Variants in SLC25A21 observed in about 807,000 individuals in gnomAD.
SLC25A21 encodes the protein solute carrier family 25 member 21.
A neutral mutation model predicts 43.8 loss-of-function variants in SLC25A21; 47 were observed. The ratio of observed to expected loss-of-function variants is 1.07; its 90% CI spans 0.85 to 1.37. The LOEUF is 1.37. SLC25A21 is among the 40% of genes most tolerant of loss of function. The probability of loss-of-function intolerance (pLI) is 0.00; values close to 1 mark genes in which losing one functional copy is unlikely to be tolerated. For synonymous variants in SLC25A21, 131 were observed against 121.3 expected (o/e 1.08, Z -0.52); for missense variants, 352 against 350.2 (o/e 1.00, Z -0.04).
At chr14:36,716,164 T>A (rs991823176) in intron 6 of SLC25A21, among the ~76,000 whole-genome samples, 1 of 152,042 alleles carries the variant, frequency 6.6e-6, no homozygotes, top group South Asian at 2.1e-4. Context: ...AAGAAAAATA[T>A]CATATGATCA....
At chr14:36,762,560 C>T (rs1886200983) in intron 3 of SLC25A21, among the ~76,000 whole-genome samples, 1 of 152,208 alleles carries the variant, frequency 6.6e-6, no homozygotes, top group Non-Finnish European at 1.5e-5. Flanking sequence ...CTGAATATTG[C>T]AAATTAATCT....
chr14:37,076,553 A>G lies in SLC25A21; in HGVS notation c.70+95728T>C, dbSNP rs1962285533. The stretch of plus-strand genomic sequence containing the variant: ...ACCCAGGCTGGAGTGCAGTGCAGCG[A>G]TCTCGGCTCACTGCAACCTCTGCCT... On this transcript the variant is annotated intron_variant, in intron 1 of 9. Transcript: ENST00000331299. 2.6e-5 allele frequency among the ~76,000 whole-genome samples: 4 copies of G among 151,768 alleles called. No homozygotes were observed. The South Asian group carries it at 8.3e-4, about 32-fold the overall frequency.
At chr14:36,992,947 G>A (rs1433428446) in intron 1 of SLC25A21, among the ~76,000 whole-genome samples, 4 of 152,144 alleles carry the variant, frequency 2.6e-5, no homozygotes, top group Admixed American at 6.5e-5. Flanking sequence ...TCCTTTCTGT[G>A]TAGTTTTAGC....
At chr14:36,926,696 G>A (rs1214082592) in intron 1 of SLC25A21, among the ~76,000 whole-genome samples, 1 of 152,162 alleles carries the variant, frequency 6.6e-6, no homozygotes, top group African/African-American at 2.4e-5. Flanking sequence ...TTCCACAGTA[G>A]TTTGGGTATT....
At chr14:37,016,059 T>A (rs993627914) in intron 1 of SLC25A21, among the ~76,000 whole-genome samples, 1 of 152,106 alleles carries the variant, frequency 6.6e-6, no homozygotes, top group Non-Finnish European at 1.5e-5. Flanking sequence ...AGATCCGATT[T>A]GTCAATTTTG....
intron 1 of SLC25A21, among the ~76,000 whole-genome samples, chr14:36,928,963 T>C (rs951932593): frequency 6.6e-6 from 1 of 152,012 alleles, no homozygotes; most frequent in African/African-American, 2.4e-5. Context: ...ACATAGAAAA[T>C]AGAAATGTTG....
At chr14:36,928,136 C>T (rs1348779662) in intron 1 of SLC25A21, among the ~76,000 whole-genome samples, 6 of 152,072 alleles carry the variant, frequency 3.9e-5, no homozygotes, top group Non-Finnish European at 7.4e-5. Context: ...CGAAGAGGTC[C>T]CCCCTCCTTC....
intron 1 of SLC25A21, among the ~76,000 whole-genome samples, chr14:37,018,563 T>C (rs1014202711): frequency 2.0e-5 from 3 of 152,038 alleles, no homozygotes; most frequent in East Asian, 1.9e-4. Flanking sequence ...ATCCTAAACA[T>C]GTTGCAAATG....
intron 1 of SLC25A21, among the ~76,000 whole-genome samples, chr14:36,895,273 G>A (rs1891205161): frequency 6.6e-6 from 1 of 152,176 alleles, no homozygotes; most frequent in South Asian, 2.1e-4. Context: ...TCTTGGGAGG[G>A]TGTATGTGTC....
intron 1 of SLC25A21, among the ~76,000 whole-genome samples, chr14:37,143,416 A>G (rs1248057755): frequency 6.6e-6 from 1 of 152,210 alleles, no homozygotes; most frequent in Non-Finnish European, 1.5e-5. Flanking sequence ...TATACAAAAC[A>G]CCCAAGAAAT....
chr14:37,056,842 A>T (rs1245329426), intron 1 of SLC25A21, among the ~76,000 whole-genome samples: 1 of 152,208 alleles, frequency 6.6e-6, no homozygotes, highest in Non-Finnish European at 1.5e-5. Context: ...CAGACTTCCA[A>T]AAATCTTTAT....
At chr14:37,039,783 G>A (rs997407380) in intron 1 of SLC25A21, among the ~76,000 whole-genome samples, 1 of 152,144 alleles carries the variant, frequency 6.6e-6, no homozygotes, top group African/African-American at 2.4e-5. Context: ...GACAATTACT[G>A]TAGAGCTTAA....
At chr14:37,140,006 T>C (rs1963544929) in intron 1 of SLC25A21, among the ~76,000 whole-genome samples, 1 of 152,184 alleles carries the variant, frequency 6.6e-6, no homozygotes, top group African/African-American at 2.4e-5. Context: ...CACTGAATAG[T>C]ACATTCTTAG....
chr14:36,957,100 T>C (rs1959361191), intron 1 of SLC25A21, among the ~76,000 whole-genome samples: 1 of 152,328 alleles, frequency 6.6e-6, no homozygotes, highest in Admixed American at 6.5e-5. Flanking sequence ...ATCATAGAAA[T>C]GTTGTGGGTC....
At position 37,089,306 on chromosome 14, in the gene SLC25A21, T is replaced by C. The variant is rs374560995; in HGVS notation, c.70+82975A>G. ...TATATATATATTTTCTACAGTCTTATGAAATAATCCTTTCACATTAACCTT... is the reference window on the plus strand; with the variant it reads ...TATATATATATTTTCTACAGTCTTACGAAATAATCCTTTCACATTAACCTT... On this transcript the variant is annotated intron_variant, in intron 1 of 9. Coordinates refer to ENST00000331299, the MANE Select transcript of SLC25A21 (RefSeq NM_030631.4). Among the ~76,000 whole-genome samples the C allele has an allele frequency of 2.0e-5, 3 of 152,348 alleles. No homozygotes were observed. The South Asian group carries it at 6.2e-4, about 32-fold the overall frequency.
chr14:37,037,584 TA>T lies in SLC25A21; in HGVS notation c.70+134696del, dbSNP rs199880021. ...ATTCATTGTTTTCTTTTATCCTATTTAAAAAATTTTTTTCACCAAACTTCAG... is the reference window on the plus strand; with the variant it reads ...ATTCATTGTTTTCTTTTATCCTATTTAAAAATTTTTTTCACCAAACTTCAG... On this transcript the variant is annotated intron_variant, in intron 1 of 9. Transcript: ENST00000331299. Among the ~76,000 whole-genome samples, 135 of 113,922 alleles carry T rather than the reference TA, an allele frequency of 1.2e-3. 5 individuals are homozygous for T. The East Asian group carries it at 0.021, about 18-fold the overall frequency. 74.7% of individuals were successfully genotyped at this position (113,922 alleles called of 152,430 possible).
intron 1 of SLC25A21, among the ~76,000 whole-genome samples, chr14:36,969,283 C>A (rs1022892786): frequency 6.6e-6 from 1 of 152,092 alleles, no homozygotes; most frequent in Non-Finnish European, 1.5e-5. Flanking sequence ...TTTCCAAGAG[C>A]GGGAACAGAT....
intron 1 of SLC25A21, among the ~76,000 whole-genome samples, chr14:37,083,687 A>G (rs1962430123): frequency 6.6e-6 from 1 of 152,226 alleles, no homozygotes; most frequent in Non-Finnish European, 1.5e-5. Flanking sequence ...CATAGACTGG[A>G]AGCATCAGCA....
At chr14:36,839,345 T>C (rs1432965721) in intron 2 of SLC25A21, among the ~76,000 whole-genome samples, 1 of 152,222 alleles carries the variant, frequency 6.6e-6, no homozygotes, top group East Asian at 1.9e-4. Context: ...AGGTGGGTAT[T>C]GTTTCTAGTG....
Sources: allele counts gnomAD v4.1 joint callset (sites outside exome capture counted in the v4.1 genomes callset), GRCh38; gene constraint gnomAD v4.1.1; transcripts MANE v1.5; gene names NCBI Gene and HGNC (gene_info 2026-07-23, HGNC 2026-07-21).